The following KBTBD11 variants were observed in gnomAD, a reference collection of about 807,000 sequenced individuals.
The protein encoded by KBTBD11 is kelch repeat and BTB domain containing 11, also known as kelch repeat and BTB domain-containing protein 11.
For synonymous variants in KBTBD11, 747 were observed against 499.0 expected (o/e 1.50, Z -6.63); for missense variants, 1,390 against 1,001.8 (o/e 1.39, Z -5.23).
At chr8:1,985,487 G>A (rs530139039) in intron 1 of KBTBD11, among the ~76,000 whole-genome samples, 19 of 152,388 alleles carry the variant, frequency 1.2e-4, no homozygotes, top group African/African-American at 4.3e-4. Context: ...CCGGCGCCCG[G>A]CAAGCCACAC....
At chr8:1,993,483 ATCCGTCCATCCG>A (rs1817002787) in intron 1 of KBTBD11, among the ~76,000 whole-genome samples, 1 of 88,280 alleles carries the variant, frequency 1.1e-5, no homozygotes, top group Non-Finnish European at 2.7e-5. Context: ...CCATCCATCT[ATCCGTCCATCCG>A]TCCATCCATC....
chr8:2,002,343 G>A lies in KBTBD11; in HGVS notation c.1151G>A (p.Cys384Tyr). The A allele has an allele frequency of 6.8e-7, 1 of 1,462,630 alleles. No homozygotes were observed. Among genetic ancestry groups the A allele is most frequent in the Non-Finnish European group, 9.0e-7 (1 of 1,112,782 alleles). 90.6% of individuals were successfully genotyped at this position (1,462,630 alleles called of 1,614,324 possible). A position where few individuals can be genotyped will look rare whatever the true frequency, so the allele number is the denominator to read the frequency against. ...GCGCGCCCGTCCGACCAGGTCTTCT[G>A]CTACAACCCGGCCACGGACAGCTGG... ...GRARPSDQVF[C>Y]YNPATDSWSA... The change falls in exon 2 of 2, where the codon TGC becomes TAC. Residue 384 changes from cysteine (C) to tyrosine (Y), a missense_variant. Physicochemically the swap from Cys to Tyr is radical, Grantham distance 194 (BLOSUM62 -2). Transcript: ENST00000320248. This position sits in a 1 kb window ranked among gnomAD's most constrained non-coding sequence, Gnocchi z 4.1.
rs946189713 is a variant in KBTBD11, at chr8:2,000,982, A to G, written c.-211A>G. On this transcript the variant is annotated 5_prime_UTR_variant, in exon 2 of 2. Coordinates refer to ENST00000320248, the MANE Select transcript of KBTBD11 (RefSeq NM_014867.3). The stretch of plus-strand genomic sequence containing the variant: ...AGTCGGACACACCCCTCCTCGCTGG[A>G]GAGGAGAGGGCAAAGGCGAGGCGGG... The G allele has an allele frequency of 7.6e-6, 4 of 529,328 alleles. No homozygotes were observed. Among genetic ancestry groups the G allele is most frequent in the Admixed American group, 4.4e-5 (1 of 22,764 alleles). The allele number at this position is 529,328 out of a possible 1,614,324, so 32.8% of individuals were successfully genotyped here. A position where few individuals can be genotyped will look rare whatever the true frequency, so the allele number is the denominator to read the frequency against.
In KBTBD11 at chr8:2,004,963, A is replaced by G. The variant is rs895766124; in HGVS notation, c.*1899A>G. 1 of 167,120 alleles carries G rather than the reference A, an allele frequency of 6.0e-6. No homozygotes were observed. The highest frequency in any genetic ancestry group is 2.4e-5 in the African/African-American group (1 of 41,464). The allele number at this position is 167,120 out of a possible 1,614,324, so 10.4% of individuals were successfully genotyped here. On this transcript the variant is annotated 3_prime_UTR_variant, in exon 2 of 2. Transcript: ENST00000320248. ...GACCAGGCTAATATTTTCAGTCCTT[A>G]AATATCAAACTCATATGCTGTTATC...
intron 1 of KBTBD11, among the ~76,000 whole-genome samples, chr8:1,980,427 A>C (rs969006269): frequency 6.6e-6 from 1 of 152,130 alleles, no homozygotes; most frequent in African/African-American, 2.4e-5. Context: ...GGGTTTCACC[A>C]TGTTGGCCAG....
At chr8:1,981,037 C>G (rs927722466) in intron 1 of KBTBD11, among the ~76,000 whole-genome samples, 4 of 152,196 alleles carry the variant, frequency 2.6e-5, no homozygotes, top group Non-Finnish European at 5.9e-5. Flanking sequence ...CGTCTGGTTT[C>G]TAATTTTAGC....
chr8:2,002,488 C>T lies in KBTBD11; in HGVS notation c.1296C>T (p.Ala432=). The T allele has an allele frequency of 2.7e-6, 4 of 1,508,672 alleles. No homozygotes were observed. Among genetic ancestry groups the T allele is most frequent in the Non-Finnish European group, 3.5e-6 (4 of 1,137,506 alleles). 93.5% of individuals were successfully genotyped at this position (1,508,672 alleles called of 1,614,324 possible). A position where few individuals can be genotyped will look rare whatever the true frequency, so the allele number is the denominator to read the frequency against. ...LLSVERYDPR[A]DRWAPVAPLP... is the part of the protein sequence containing the mutation. The stretch of plus-strand genomic sequence containing the variant: ...GCGTGGAGCGCTACGACCCGCGCGC[C>T]GACCGCTGGGCCCCCGTGGCGCCGC... Residue 432 remains alanine, a synonymous_variant, in exon 2 of 2, where the codon GCC becomes GCT. Coordinates refer to ENST00000320248, the MANE Select transcript of KBTBD11 (RefSeq NM_014867.3). The surrounding 1 kb of genome is among the most constrained non-coding windows in gnomAD (Gnocchi z 4.1).
chr8:1,977,385 G>GT (rs1358858657), intron 1 of KBTBD11, among the ~76,000 whole-genome samples: 2 of 151,716 alleles, frequency 1.3e-5, no homozygotes, highest in Admixed American at 1.3e-4. Flanking sequence ...ATACATATGG[G>GT]TGTGGTTCTA....
In KBTBD11 at chr8:1,981,645, G is replaced by C. The variant is rs573971129; in HGVS notation, c.-909+7710G>C. Among the ~76,000 whole-genome samples, 3 of 152,192 alleles carry C rather than the reference G, an allele frequency of 2.0e-5. No homozygotes were observed. In the South Asian group the frequency reaches 6.2e-4, roughly 31 times the overall value. ...CCCTCAGTACCGTCCAATTGTCTGA[G>C]AGCCCAGATAGAAGAAAATGGCAGA... On this transcript the variant is annotated intron_variant, in intron 1 of 1. Coordinates refer to ENST00000320248, the MANE Select transcript of KBTBD11 (RefSeq NM_014867.3).
chr8:1,990,503 A>G (rs34048848), intron 1 of KBTBD11, among the ~76,000 whole-genome samples: 16 of 67,542 alleles, frequency 2.4e-4, no homozygotes, highest in East Asian at 4.1e-4. Context: ...GTCCGGGTAG[A>G]TGCTGCGGGG....
intron 1 of KBTBD11, among the ~76,000 whole-genome samples, chr8:1,991,828 G>A (rs1816930704): frequency 6.6e-6 from 1 of 151,986 alleles, no homozygotes; most frequent in Admixed American, 6.5e-5. Flanking sequence ...CTCTTGGTGG[G>A]AGTAAGTTAC....
intron 1 of KBTBD11, among the ~76,000 whole-genome samples, chr8:1,984,061 T>A (rs1816629121): frequency 6.6e-6 from 1 of 152,124 alleles, no homozygotes; most frequent in South Asian, 2.1e-4. Context: ...ACCTGGGTGG[T>A]AGAGGTTGCA....
At chr8:1,974,308 G>A (rs1371681592) in intron 1 of KBTBD11, 4 of 984,272 alleles carry the variant, frequency 4.1e-6, no homozygotes, top group Non-Finnish European at 4.8e-6. Context: ...AAGACAATGA[G>A]CCGCCCGCGC....
chr8:1,980,758 T>A (rs1269056320), intron 1 of KBTBD11, among the ~76,000 whole-genome samples: 4 of 152,208 alleles, frequency 2.6e-5, no homozygotes, highest in African/African-American at 9.6e-5. Context: ...GCAGCATGTT[T>A]CCTACTGGTT....
intron 1 of KBTBD11, among the ~76,000 whole-genome samples, chr8:1,979,111 A>G (rs557371648): frequency 3.9e-5 from 6 of 152,266 alleles, no homozygotes; most frequent in African/African-American, 1.4e-4. Context: ...ATTAGAGAGC[A>G]AGATTGAAGG....
intron 1 of KBTBD11, among the ~76,000 whole-genome samples, chr8:1,979,992 A>C (rs531918453): frequency 1.3e-5 from 2 of 152,086 alleles, no homozygotes; most frequent in African/African-American, 2.4e-5. Flanking sequence ...GCCCAGTCTC[A>C]CTTTGTGCTG....
chr8:1,991,441 G>A (rs1233945192), intron 1 of KBTBD11, among the ~76,000 whole-genome samples: 4 of 152,250 alleles, frequency 2.6e-5, no homozygotes, highest in East Asian at 1.9e-4. Flanking sequence ...ACATGCTCCA[G>A]GGGTCTCACT....
intron 1 of KBTBD11, among the ~76,000 whole-genome samples, chr8:1,983,762 T>A (rs1816617678): frequency 6.6e-6 from 1 of 152,230 alleles, no homozygotes; most frequent in South Asian, 2.1e-4. Context: ...TCCCAATTAA[T>A]TTGGAGACTG....
chr8:1,987,785 A>T (rs1367123274), intron 1 of KBTBD11, among the ~76,000 whole-genome samples: 1 of 151,962 alleles, frequency 6.6e-6, no homozygotes, highest in Non-Finnish European at 1.5e-5. Context: ...CACAACTTGC[A>T]GGTTGGTTAC....
Sources: gnomAD v4.1 joint callset for allele counts (sites outside exome capture counted in the v4.1 genomes callset) on GRCh38, gnomAD v4.1.1 for gene constraint, Gnocchi (gnomAD v3.1) non-coding constraint, MANE v1.5 for transcripts, NCBI Gene and HGNC (gene_info 2026-07-23, HGNC 2026-07-21) for gene names.